Variants in CACNA1C observed in about 807,000 individuals in gnomAD.
CACNA1C encodes voltage-dependent L-type calcium channel subunit alpha-1C.
A neutral mutation model predicts 229.0 loss-of-function variants in CACNA1C; 30 were observed. The observed-to-expected ratio is 0.13, with a 90% CI of 0.10 to 0.18. CACNA1C has a LOEUF of 0.18. Among genes scored for constraint, CACNA1C ranks in the 10% least tolerant of loss-of-function variants. The pLI is 1.00. For missense variants in CACNA1C, 1,658 were observed against 2,845.0 expected (o/e 0.58, Z 9.49); for synonymous variants, 1,114 against 1,132.5 (o/e 0.98, Z 0.33).
intron 1 of CACNA1C, among the ~76,000 whole-genome samples, chr12:2,082,408 C>T (rs1259139756): frequency 6.6e-6 from 1 of 152,202 alleles, no homozygotes; most frequent in Non-Finnish European, 1.5e-5. Context: ...TGTCATACAG[C>T]CCGGCAGCGT....
intron 3 of CACNA1C, among the ~76,000 whole-genome samples, chr12:2,383,441 G>A (rs1235690877): frequency 6.6e-6 from 1 of 152,100 alleles, no homozygotes; most frequent in Non-Finnish European, 1.5e-5. Context: ...CTTTGTCCTT[G>A]GTTTCTAAGT....
At chr12:1,990,006 T>A (rs1344576015) in intron 1 of CACNA1C, among the ~76,000 whole-genome samples, 1 of 152,206 alleles carries the variant, frequency 6.6e-6, no homozygotes, top group Non-Finnish European at 1.5e-5. Flanking sequence ...CTAAAATAAC[T>A]AAGTGTTTGT....
At chr12:2,434,326 G>A (rs2099114379) in intron 3 of CACNA1C, among the ~76,000 whole-genome samples, 1 of 152,158 alleles carries the variant, frequency 6.6e-6, no homozygotes, top group Non-Finnish European at 1.5e-5. Context: ...AGAACCACTA[G>A]GGGTTGGGGA....
intron 3 of CACNA1C, among the ~76,000 whole-genome samples, chr12:2,144,814 A>C (rs1465096787): frequency 1.3e-5 from 2 of 151,308 alleles, no homozygotes; most frequent in African/African-American, 4.8e-5. Context: ...TAAATCATAA[A>C]ACTTGAGACT....
At chr12:2,344,164 C>T (rs1354874764) in intron 3 of CACNA1C, among the ~76,000 whole-genome samples, 2 of 152,158 alleles carry the variant, frequency 1.3e-5, no homozygotes, top group African/African-American at 2.4e-5. Context: ...CCAATAATGC[C>T]TTCTTGCGAT....
intron 3 of CACNA1C, among the ~76,000 whole-genome samples, chr12:2,310,707 C>T (rs538024736): frequency 6.6e-6 from 1 of 152,208 alleles, no homozygotes; most frequent in Admixed American, 6.5e-5. Flanking sequence ...TTTCGACTCA[C>T]AGGGTTCTTT....
chr12:2,556,321 A>AT (rs2044244552), intron 10 of CACNA1C, among the ~76,000 whole-genome samples: 1 of 152,078 alleles, frequency 6.6e-6, no homozygotes, highest in South Asian at 2.1e-4. Flanking sequence ...CCTTCCAGGC[A>AT]GCCACCCTCA....
At chr12:2,047,287 G>A (rs181995555) in intron 1 of CACNA1C, among the ~76,000 whole-genome samples, 1 of 152,316 alleles carries the variant, frequency 6.6e-6, no homozygotes, top group African/African-American at 2.4e-5. Flanking sequence ...TTTTTCACAG[G>A]GGTGAAGGAT....
chr12:2,662,817 G>A (rs2095835477), intron 34 of CACNA1C, among the ~76,000 whole-genome samples: 1 of 152,176 alleles, frequency 6.6e-6, no homozygotes, highest in Admixed American at 6.5e-5. Flanking sequence ...GCAATGACAA[G>A]GCTAGAACAA....
intron 3 of CACNA1C, among the ~76,000 whole-genome samples, chr12:2,232,753 C>G (rs2154364364): frequency 6.6e-6 from 1 of 152,170 alleles, no homozygotes; most frequent in African/African-American, 2.4e-5. Context: ...AAAAACTGTC[C>G]CTTCTTCCCC....
At chr12:2,462,930 T>TTTTG (rs2099521407) in intron 5 of CACNA1C, among the ~76,000 whole-genome samples, 1 of 136,512 alleles carries the variant, frequency 7.3e-6, no homozygotes. Context: ...TTTTTTTTTT[T>TTTTG]GAGACGGAGT....
intron 3 of CACNA1C, among the ~76,000 whole-genome samples, chr12:2,165,797 TGTGCAGTAG>T (rs2096190260): frequency 6.6e-6 from 1 of 152,168 alleles, no homozygotes. Context: ...TAGCACACAG[TGTGCAGTAG>T]GTGAGCTAGA....
In CACNA1C at chr12:1,971,672, AG is replaced by A. The variant is rs2032329614; in HGVS notation, c.139+473del. Among the ~76,000 whole-genome samples, 1 of 152,232 alleles carries A rather than the reference AG, an allele frequency of 6.6e-6. No individual in the cohort carries two copies. The highest frequency in any genetic ancestry group is 2.4e-5 in the African/African-American group (1 of 41,468). On this transcript the variant is annotated intron_variant, in intron 1 of 46. Transcript: ENST00000682462. The surrounding 1 kb of genome is among the most constrained non-coding windows in gnomAD (Gnocchi z 4.2). ...AAGAGGCTAGTTAAGGGGCCATTAA[AG>A]GCAGTGTCATGTCAGCGTCATTCAA...
intron 3 of CACNA1C, among the ~76,000 whole-genome samples, chr12:2,265,516 T>C (rs1049838170): frequency 2.0e-5 from 3 of 152,180 alleles, no homozygotes; most frequent in African/African-American, 4.8e-5. Context: ...CCCTATCTCA[T>C]TCTCCTCCCA....
Position 2,601,247 on chromosome 12 carries a change from C to A in CACNA1C, c.2854-607C>A, listed in dbSNP as rs567695065. On this transcript the variant is annotated intron_variant, in intron 21 of 46. Transcript: ENST00000399655. The surrounding 1 kb of genome is among the most constrained non-coding windows in gnomAD (Gnocchi z 5.9). ...GGTATGCTAATTGCCAGGGTCACCA[C>A]TGGAACTTCTCACCAGGCACCAGGG... 3.7e-4 allele frequency among the ~76,000 whole-genome samples: 56 copies of A among 152,332 alleles called. No individual in the cohort carries two copies. The highest frequency in any genetic ancestry group is 1.3e-3 in the African/African-American group (54 of 41,570).
At chr12:2,676,793 G>C (rs1349359183) in intron 39 of CACNA1C, 1 of 199,804 alleles carries the variant, frequency 5.0e-6, no homozygotes, top group African/African-American at 2.3e-5. Context: ...AAAAACAGGA[G>C]ATAATATGTT....
intron 3 of CACNA1C, among the ~76,000 whole-genome samples, chr12:2,121,627 C>T (rs1433550584): frequency 7.2e-5 from 11 of 152,304 alleles, no homozygotes; most frequent in South Asian, 2.1e-4. Flanking sequence ...TGGCCAGAGT[C>T]GGAAGGCAGA....
intron 3 of CACNA1C, among the ~76,000 whole-genome samples, chr12:2,353,176 G>T (rs534854857): frequency 1.3e-5 from 2 of 152,332 alleles, no homozygotes; most frequent in African/African-American, 4.8e-5. Context: ...GCTGGGGGCT[G>T]TTGTCCTGGA....
intron 3 of CACNA1C, among the ~76,000 whole-genome samples, chr12:2,250,972 C>A (rs549436154): frequency 1.9e-4 from 29 of 152,290 alleles, no homozygotes; most frequent in African/African-American, 6.7e-4. Flanking sequence ...TCTACCACAT[C>A]CTGCACTTAG....
Sources: allele counts gnomAD v4.1 joint callset (sites outside exome capture counted in the v4.1 genomes callset), GRCh38; gene constraint gnomAD v4.1.1; non-coding constraint Gnocchi (gnomAD v3.1); transcripts MANE v1.5; gene names NCBI Gene and HGNC (gene_info 2026-07-23, HGNC 2026-07-21).